The following RBBP9 variants were observed in gnomAD, a reference collection of about 807,000 sequenced individuals.
The protein encoded by RBBP9 is serine hydrolase RBBP9.
RBBP9 carries 20 observed loss-of-function variants against 24.2 expected under a neutral mutation model. That is an observed-to-expected ratio of 0.83 (90% CI 0.58 to 1.20). The LOEUF (loss-of-function observed/expected upper bound fraction) is 1.20, where lower values mean the gene tolerates loss of function less well. Ranked by LOEUF, RBBP9 falls within the 50% of genes most tolerant of loss-of-function variation. RBBP9 has a pLI of 0.00. For missense variants in RBBP9, 234 were observed against 233.6 expected (o/e 1.00, Z -0.01); for synonymous variants, 74 against 84.6 (o/e 0.87, Z 0.69).
At chr20:18,495,970 C>T (rs777317118) in intron 1 of RBBP9, 90 bp from the exon 2 acceptor site, 10 of 1,072,174 alleles carry the variant, frequency 9.3e-6, no homozygotes, top group African/African-American at 1.6e-5. Flanking sequence ...CTGATATGAT[C>T]GTTACCAATT....
Position 18,489,938 on chromosome 20 carries a change from G to A in RBBP9, c.387C>T (p.Tyr129=), listed in dbSNP as rs2059858814. The A allele has an allele frequency of 4.3e-6, 7 of 1,611,860 alleles. No individual in the cohort carries two copies. The highest frequency in any genetic ancestry group is 4.0e-5 in the African/African-American group (3 of 74,882). ...CGTCAGTAGAGCCAAACTGCACAAT[G>A]TAAGGGCAGTTGGCCTTGATCTTCT... is the stretch of plus-strand genomic sequence containing the variant. The part of the protein sequence containing the change: ...QWEKIKANCP[Y]IVQFGSTDDP... Residue 129 remains tyrosine (Y), a synonymous_variant, in exon 5 of 5, where the codon TAC becomes TAT. Coordinates refer to ENST00000337227, the MANE Select transcript of RBBP9 (RefSeq NM_006606.3).
intron 2 of RBBP9, among the ~76,000 whole-genome samples, 195 bp downstream of exon 2, chr20:18,495,643 T>A (rs2059883818): frequency 8.4e-6 from 1 of 118,818 alleles, no homozygotes; most frequent in African/African-American, 3.3e-5. Flanking sequence ...TTCACAGAAT[T>A]GAAAAAAAAA....
At chr20:18,491,742 G>C (rs2059866460) in intron 3 of RBBP9, among the ~76,000 whole-genome samples, 1 of 152,118 alleles carries the variant, frequency 6.6e-6, no homozygotes, top group South Asian at 2.1e-4. Flanking sequence ...TTTTGTTCTT[G>C]GGCCTGAACT....
chr20:18,492,141 A>AATTTTGTC (rs2059868552), intron 3 of RBBP9, among the ~76,000 whole-genome samples: 1 of 150,914 alleles, frequency 6.6e-6, no homozygotes, highest in South Asian at 2.1e-4. Context: ...TAGATTCATT[A>AATTTTGTC]ATTTTGTCAC....
At chr20:18,495,781 A>G (rs533529601) in intron 2 of RBBP9, 57 bp downstream of exon 2, 2 of 1,483,206 alleles carry the variant, frequency 1.3e-6, no homozygotes, top group Non-Finnish European at 1.9e-6. Flanking sequence ...TACCACAAAA[A>G]TGGTAATATC....
chr20:18,495,721 C>T, intron 2 of RBBP9, 117 bp downstream of exon 2: 1 of 833,862 alleles, frequency 1.2e-6, no homozygotes, highest in Non-Finnish European at 1.9e-6. Context: ...CTTATTCTTT[C>T]TTAGGTATAT....
chr20:18,494,120 A>G lies in RBBP9; in HGVS notation c.143-57T>C, dbSNP rs182716065. ...ATTTGATAGTGGCAGTCTGAATCCAACGCTGCCCCACCTTTCAAACAGGCA... is the reference window on the plus strand; with the variant it reads ...ATTTGATAGTGGCAGTCTGAATCCAGCGCTGCCCCACCTTTCAAACAGGCA... On this transcript the variant is annotated intron_variant, in intron 2 of 4. Coordinates refer to ENST00000337227, the MANE Select transcript of RBBP9 (RefSeq NM_006606.3). 4,291 of 1,357,348 alleles carry G rather than the reference A, an allele frequency of 3.2e-3. 10 individuals carry two copies. Among genetic ancestry groups the G allele is most frequent in the Non-Finnish European group, 4.1e-3 (3,880 of 957,570 alleles). The allele number at this position is 1,357,348 out of a possible 1,614,324, so 84.1% of individuals were successfully genotyped here. A position where few individuals can be genotyped will look rare whatever the true frequency, so the allele number is the denominator to read the frequency against.
intron 1 of RBBP9, among the ~76,000 whole-genome samples, chr20:18,496,409 AAATC>A (rs2059886997): frequency 6.6e-6 from 1 of 152,234 alleles, no homozygotes; most frequent in Non-Finnish European, 1.5e-5. Flanking sequence ...TAAAAAATAA[AAATC>A]AAACGGCACA....
At position 18,488,636 on chromosome 20, in the gene RBBP9, T is replaced by C. The variant is rs749737258; in HGVS notation, c.*1128A>G. The C allele has an allele frequency of 1.8e-4, 27 of 152,248 alleles. No individual in the cohort carries two copies. Among genetic ancestry groups the C allele is most frequent in the Non-Finnish European group, 3.1e-4 (21 of 68,044 alleles). The allele number at this position is 152,248 out of a possible 1,614,324, so 9.4% of individuals were successfully genotyped here. A position where few individuals can be genotyped will look rare whatever the true frequency, so the allele number is the denominator to read the frequency against. ...TGCTTGAAAGAGATCTAAAGGGCCATGGAAGTTAAAAGGTTTAACTCTATA... is the reference window on the plus strand; with the variant it reads ...TGCTTGAAAGAGATCTAAAGGGCCACGGAAGTTAAAAGGTTTAACTCTATA... On this transcript the variant is annotated 3_prime_UTR_variant, in exon 5 of 5. Coordinates refer to ENST00000337227, the MANE Select transcript of RBBP9 (RefSeq NM_006606.3).
At chr20:18,490,904 C>A (rs371224516) in intron 3 of RBBP9, among the ~76,000 whole-genome samples, 2 of 152,136 alleles carry the variant, frequency 1.3e-5, no homozygotes, top group African/African-American at 4.8e-5. Flanking sequence ...GTCTTGAACT[C>A]CTGACCTCAA....
At position 18,497,140 on chromosome 20, in the gene RBBP9, C is replaced by T. The variant is rs1458681755; in HGVS notation, c.28G>A (p.Val10Ile). Residue 10 changes from valine (V) to isoleucine (I), a missense_variant, in exon 1 of 5, where the codon GTT (valine) becomes ATT (isoleucine). Val to Ile is a conservative substitution (Grantham distance 29, BLOSUM62 3). Coordinates refer to ENST00000337227, the MANE Select transcript of RBBP9 (RefSeq NM_006606.3). ...ACATCCCCGCCTCCGTTCCCGGGAA[C>T]AATCACTGCCTTGCTAGGAGAAGCC... MASPSKAVI[V>I]PGNGGGDVTT... 1.2e-6 allele frequency: 2 copies of T among 1,614,186 alleles called. No individual in the cohort carries two copies. The highest frequency in any genetic ancestry group is 2.2e-5 in the South Asian group (2 of 91,082).
intron 3 of RBBP9, among the ~76,000 whole-genome samples, chr20:18,493,548 T>C (rs937836264): frequency 1.3e-5 from 2 of 152,116 alleles, no homozygotes; most frequent in Admixed American, 6.5e-5. Context: ...TCAAGGGGAA[T>C]AGAAAGCCAT....
Position 18,497,201 on chromosome 20 carries a change from T to A in RBBP9, c.-34A>T, listed in dbSNP as rs758256197. On this transcript the variant is annotated 5_prime_UTR_variant, in exon 1 of 5. Transcript: ENST00000337227. ...CGAGGCCAGAGTTCCCCAGCGCGGG[T>A]CCAGCGGAGCTGAGCCCAGCCTGCT... The A allele has an allele frequency of 9.0e-6, 14 of 1,564,056 alleles. No individual in the cohort carries two copies. The highest frequency in any genetic ancestry group is 1.2e-5 in the Non-Finnish European group (14 of 1,136,776).
rs1264336728 is a variant in RBBP9, at chr20:18,489,981, G to T, written c.344C>A (p.Thr115Asn). ...DENERASGYFTRPWQWEKIKA... is the reference protein window; with the variant it reads ...DENERASGYFNRPWQWEKIKA... ...GATCTTCTCCCACTGCCAGGGGCGGGTGAAGTATCCTATGGGGAAAAAAAA... is the reference window on the plus strand; with the variant it reads ...GATCTTCTCCCACTGCCAGGGGCGGTTGAAGTATCCTATGGGGAAAAAAAA... Residue 115 changes from threonine to asparagine, a missense_variant, in exon 5 of 5, where the codon ACC (threonine) becomes AAC (asparagine). Thr to Asn is a moderately conservative substitution (Grantham distance 65, BLOSUM62 0). Transcript: ENST00000337227. The T allele has an allele frequency of 6.2e-7, 1 of 1,602,354 alleles. No individual in the cohort carries two copies. The highest frequency in any genetic ancestry group is 1.1e-5 in the South Asian group (1 of 90,756).
At chr20:18,495,109 G>A (rs1038352378) in intron 2 of RBBP9, among the ~76,000 whole-genome samples, 8 of 150,366 alleles carry the variant, frequency 5.3e-5, no homozygotes, top group South Asian at 2.1e-4. Context: ...CATTGAGAAC[G>A]GGCCATGATG....
At chr20:18,495,939 T>C in intron 1 of RBBP9, 59 bp from the exon 2 acceptor site, 1 of 1,354,058 alleles carries the variant, frequency 7.4e-7, no homozygotes, top group South Asian at 1.4e-5. Flanking sequence ...ACTAATACTT[T>C]GCTAATAAGA....
At chr20:18,493,294 C>T (rs1227831202) in intron 3 of RBBP9, among the ~76,000 whole-genome samples, 1 of 152,162 alleles carries the variant, frequency 6.6e-6, no homozygotes, top group African/African-American at 2.4e-5. Flanking sequence ...CAGACACAAT[C>T]TACCATATGC....
rs1051635242 is a variant in RBBP9, at chr20:18,488,456, G to C, written c.*1308C>G. The C allele has an allele frequency of 6.6e-6, 1 of 152,358 alleles. No individual in the cohort carries two copies. Among genetic ancestry groups the C allele is most frequent in the African/African-American group, 2.4e-5 (1 of 41,366 alleles). The allele number at this position is 152,358 out of a possible 1,614,324, so 9.4% of individuals were successfully genotyped here. A position where few individuals can be genotyped will look rare whatever the true frequency, so the allele number is the denominator to read the frequency against. Reference sequence around the variant, plus strand: ...AATGTTTTAATATTTTGTAGAGATGGGGTCTTGCTGTGTTGCCCTGGCTGG... The same window carrying C: ...AATGTTTTAATATTTTGTAGAGATGCGGTCTTGCTGTGTTGCCCTGGCTGG... On this transcript the variant is annotated 3_prime_UTR_variant, in exon 5 of 5. Coordinates refer to ENST00000337227, the MANE Select transcript of RBBP9 (RefSeq NM_006606.3).
chr20:18,495,667 T>C (rs1289670238), intron 2 of RBBP9, among the ~76,000 whole-genome samples, 171 bp downstream of exon 2: 2 of 150,326 alleles, frequency 1.3e-5, no homozygotes, highest in African/African-American at 2.4e-5. Flanking sequence ...AAAAAAGAAT[T>C]TTCTATGGCT....
Sources: gnomAD v4.1 joint callset for allele counts (sites outside exome capture counted in the v4.1 genomes callset) on GRCh38, gnomAD v4.1.1 for gene constraint, MANE v1.5 for transcripts, NCBI Gene and HGNC (gene_info 2026-07-23, HGNC 2026-07-21) for gene names.